Variants in ATP2A1 observed in about 807,000 individuals in gnomAD.
ATP2A1 encodes sarcoplasmic/endoplasmic reticulum calcium ATPase 1.
A neutral mutation model predicts 109.5 loss-of-function variants in ATP2A1; 83 were observed. The observed-to-expected ratio is 0.76, with a 90% CI of 0.63 to 0.91. The LOEUF is 0.91. Among genes scored for constraint, ATP2A1 ranks in the 40% least tolerant of loss-of-function variants. ATP2A1 has a pLI of 0.00. For missense variants in ATP2A1, 1,101 were observed against 1,341.0 expected, an observed-to-expected ratio of 0.82 and a Z score of 2.80; for synonymous variants, 505 against 537.6, an observed-to-expected ratio of 0.94 and a Z score of 0.84.
intron 9 of ATP2A1, 144 bp downstream of exon 9, chr16:28,889,097 C>A: frequency 8.2e-7 from 1 of 1,225,134 alleles, no homozygotes; most frequent in South Asian, 1.2e-5. Context: ...AGAACGCCAT[C>A]CTGTCTGCCA....
At position 28,902,663 on chromosome 16, in the gene ATP2A1, C is replaced by G. The variant is rs1393191812; in HGVS notation, c.2608C>G (p.Leu870Val). Residue 870 changes from leucine to valine, a missense_variant and splice_region_variant, in exon 18 of 23, where the codon CTG becomes GTG. Physicochemically the swap from Leu to Val is conservative, Grantham distance 32. Coordinates refer to ENST00000395503, the MANE Select transcript of ATP2A1 (RefSeq NM_004320.6). This position sits in a 1 kb window ranked among gnomAD's most constrained non-coding sequence, Gnocchi z 4.8. Reference protein sequence around the residue: ...EDGPHVNYSQLTHFMQCTEDN... With the variant: ...EDGPHVNYSQVTHFMQCTEDN... ...TGGGCCTCATGTCAACTACAGCCAGCTGGTAGGGGGAGGCCACAAAGGAGG... is the reference window on the plus strand; with the variant it reads ...TGGGCCTCATGTCAACTACAGCCAGGTGGTAGGGGGAGGCCACAAAGGAGG... 1 of 1,614,064 alleles carries G rather than the reference C, an allele frequency of 6.2e-7. No individual in the cohort carries two copies. The highest frequency in any genetic ancestry group is 8.5e-7 in the Non-Finnish European group (1 of 1,179,976).
chr16:28,895,003 T>G (rs754862763), intron 12 of ATP2A1, 50 bp downstream of exon 12: 6 of 1,603,680 alleles, frequency 3.7e-6, no homozygotes, highest in Non-Finnish European at 5.1e-6. Context: ...CTATGCTGCA[T>G]AGACTAGAGG....
chr16:28,900,745 G>T lies in ATP2A1; in HGVS notation c.1929G>T (p.Gly643=). The change falls in exon 15 of 23, where the codon GGG becomes GGT. Residue 643 remains glycine, a synonymous_variant. Coordinates refer to ENST00000395503, the MANE Select transcript of ATP2A1 (RefSeq NM_004320.6). The part of the protein sequence containing the change: ...IAICRRIGIF[G]ENEEVADRAY... The stretch of plus-strand genomic sequence containing the variant: ...TCTGCCGGCGAATTGGCATCTTTGG[G>T]GAGAACGAGGAGGTGGCCGATCGCG... 1 of 1,614,206 alleles carries T rather than the reference G, an allele frequency of 6.2e-7. No individual in the cohort carries two copies.
chr16:28,888,075 A>G lies in ATP2A1; in HGVS notation c.928+353A>G, dbSNP rs1342918442. Among the ~76,000 whole-genome samples the G allele has an allele frequency of 4.6e-5, 7 of 152,042 alleles. 1 individual carries two copies. Among genetic ancestry groups the G allele is most frequent in the Admixed American group, 4.6e-4 (7 of 15,288 alleles). ...CTTGGCCTCCCAAAGTGCTGGGATT[A>G]CAGGCGTGAGCCACCGCACCCGGCC... On this transcript the variant is annotated intron_variant, in intron 8 of 22. Transcript: ENST00000395503.
chr16:28,900,703 G>C lies in ATP2A1; in HGVS notation c.1887G>C (p.Lys629Asn). Residue 629 changes from lysine (K) to asparagine (N), a missense_variant, in exon 15 of 23, where the codon AAG becomes AAC. Lys to Asn is a moderately conservative substitution (Grantham distance 94). Coordinates refer to ENST00000395503, the MANE Select transcript of ATP2A1 (RefSeq NM_004320.6). Reference sequence around the variant, plus strand: ...TGATCATGATCACTGGGGACAACAAGGGCACAGCCATTGCCATCTGCCGGC... The same window carrying C: ...TGATCATGATCACTGGGGACAACAACGGCACAGCCATTGCCATCTGCCGGC... ...IRVIMITGDN[K>N]GTAIAICRRI... 1 of 1,614,130 alleles carries C rather than the reference G, an allele frequency of 6.2e-7. No homozygotes were observed. The highest frequency in any genetic ancestry group is 1.1e-5 in the South Asian group (1 of 91,076).
rs34704577 is a variant in ATP2A1 at position 28,898,752 on chromosome 16, A to AT, written c.1764+308dup. ...GAACCCCATCTCTATTAAAAAAAAA[A>AT]TTTTTTTAATTACCTGGTTAAATTC... is the stretch of plus-strand genomic sequence containing the variant. On this transcript the variant is annotated intron_variant, in intron 14 of 22. Transcript: ENST00000395503. The surrounding 1 kb of genome is among the most constrained non-coding windows in gnomAD (Gnocchi z 4.0). Among the ~76,000 whole-genome samples the AT allele has an allele frequency of 0.33, 49,978 of 151,360 alleles. 8,622 individuals are homozygous for AT. The highest frequency in any genetic ancestry group is 0.42 in the Middle Eastern group (123 of 292).
rs1378409185 is a variant in ATP2A1, at chr16:28,898,807, T to G, written c.1764+356T>G. Among the ~76,000 whole-genome samples the G allele has an allele frequency of 2.0e-5, 3 of 152,030 alleles. No individual in the cohort carries two copies. The highest frequency in any genetic ancestry group is 2.9e-5 in the Non-Finnish European group (2 of 68,022). On this transcript the variant is annotated intron_variant, in intron 14 of 22. Transcript: ENST00000395503. This position sits in a 1 kb window ranked among gnomAD's most constrained non-coding sequence, Gnocchi z 4.0. ...GGGTCTGGGTAAAAAGTAAAATACATTTTTAAAAATGTTAAAAGAAAAGAG... is the reference window on the plus strand; with the variant it reads ...GGGTCTGGGTAAAAAGTAAAATACAGTTTTAAAAATGTTAAAAGAAAAGAG...
chr16:28,887,314 C>T, intron 7 of ATP2A1, 40 bp downstream of exon 7: 1 of 1,613,046 alleles, frequency 6.2e-7, no homozygotes. Context: ...CTCAGTCAAG[C>T]CAGGTGCCCG....
At chr16:28,885,894 G>T (rs1963602020) in intron 6 of ATP2A1, among the ~76,000 whole-genome samples, 1 of 152,058 alleles carries the variant, frequency 6.6e-6, no homozygotes, top group Admixed American at 6.5e-5. Flanking sequence ...GGCTGGGCGT[G>T]GTGGCTCATA....
At chr16:28,894,406 C>T in intron 10 of ATP2A1, 99 bp from the exon 11 acceptor site, 2 of 1,344,674 alleles carry the variant, frequency 1.5e-6, no homozygotes, top group South Asian at 2.5e-5. Flanking sequence ...ACTGTCCTTC[C>T]TTACCCTCTG....
At chr16:28,900,500 A>AACCCC in intron 14 of ATP2A1, 81 bp from the exon 15 acceptor site, 1 of 617,690 alleles carries the variant, frequency 1.6e-6, no homozygotes, top group Non-Finnish European at 2.3e-6. Flanking sequence ...CTTTCACCCC[A>AACCCC]TCCCCACCCC....
At chr16:28,882,618 T>C in intron 5 of ATP2A1, 29 bp downstream of exon 5, 2 of 1,612,812 alleles carry the variant, frequency 1.2e-6, no homozygotes, top group Middle Eastern at 1.6e-4. Flanking sequence ...TGGTCCAGGA[T>C]GGGAGGCCTT....
chr16:28,901,795 A>T, intron 15 of ATP2A1, 68 bp from the exon 16 acceptor site: 4 of 1,412,704 alleles, frequency 2.8e-6, no homozygotes, highest in Non-Finnish European at 3.9e-6. Flanking sequence ...CATCCCTAAA[A>T]TAAAACCTTT....
rs776907496 is a variant in ATP2A1, at chr16:28,894,539, T to C, written c.1219T>C (p.Tyr407His). Residue 407 changes from tyrosine to histidine, a missense_variant, in exon 11 of 23, where the codon TAT (tyrosine) becomes CAT (histidine). Physicochemically the swap from Tyr to His is moderately conservative, Grantham distance 83. Coordinates refer to ENST00000395503, the MANE Select transcript of ATP2A1 (RefSeq NM_004320.6). ...KNDKPVRPGQYDGLVELATIC... is the reference protein window; with the variant it reads ...KNDKPVRPGQHDGLVELATIC... ...TGATAAGCCAGTCCGGCCAGGGCAG[T>C]ATGACGGGCTGGTGGAGCTGGCCAC... 10 of 1,614,044 alleles carry C rather than the reference T, an allele frequency of 6.2e-6. No homozygotes were observed. Among genetic ancestry groups the C allele is most frequent in the Non-Finnish European group, 8.5e-6 (10 of 1,180,020 alleles).
At position 28,880,924 on chromosome 16, in the gene ATP2A1, T is replaced by C. The variant is rs1395900837; in HGVS notation, c.229T>C (p.Trp77Arg). 6.2e-7 allele frequency: 1 copy of C among 1,614,216 alleles called. No homozygotes were observed. Among genetic ancestry groups the C allele is most frequent in the Non-Finnish European group, 8.5e-7 (1 of 1,180,012 alleles). ...TTCCCCTGCTCCCCAGGTGCTGGCC[T>C]GGTTTGAGGAAGGTGAAGAGACCAT... ...LAACISFVLA[W>R]FEEGEETITA... Residue 77 changes from tryptophan (W) to arginine (R), a missense_variant, in exon 4 of 23, where the codon TGG becomes CGG. Transcript: ENST00000395503. The surrounding 1 kb of genome is among the most constrained non-coding windows in gnomAD (Gnocchi z 4.2).
intron 14 of ATP2A1, among the ~76,000 whole-genome samples, chr16:28,899,982 C>CAAAAAAAAAAAA (rs145297469): frequency 7.6e-6 from 1 of 132,036 alleles, no homozygotes; most frequent in Non-Finnish European, 1.6e-5. Context: ...AAAACAAAAA[C>CAAAAAAAAAAAA]AAAAACAAAA....
At chr16:28,886,013 T>A (rs989089236) in intron 6 of ATP2A1, among the ~76,000 whole-genome samples, 94 of 151,206 alleles carry the variant, frequency 6.2e-4, no homozygotes, top group Middle Eastern at 3.4e-3. Context: ...AAAAAAAAAA[T>A]TTTTTTAACT....
rs1172831250 is a variant in ATP2A1 at position 28,882,602 on chromosome 16, G to A, written c.463+13G>A. ...GTGGAGGTGGCTGGTGAGTGACAGG[G>A]ACGGCTGGTCCAGGATGGGAGGCCT... On this transcript the variant is annotated intron_variant, in intron 5 of 22. Coordinates refer to ENST00000395503, the MANE Select transcript of ATP2A1 (RefSeq NM_004320.6). 2 of 1,613,798 alleles carry A rather than the reference G, an allele frequency of 1.2e-6. No homozygotes were observed. The highest frequency in any genetic ancestry group is 2.7e-5 in the African/African-American group (2 of 74,936).
Position 28,902,165 on chromosome 16 carries a change from G to A in ATP2A1, c.2322-19G>A, listed in dbSNP as rs2152214495. 5 of 1,613,914 alleles carry A rather than the reference G, an allele frequency of 3.1e-6. No individual in the cohort carries two copies. Among genetic ancestry groups the A allele is most frequent in the Non-Finnish European group, 3.4e-6 (4 of 1,179,758 alleles). On this transcript the variant is annotated intron_variant, in intron 16 of 22. Transcript: ENST00000395503. The surrounding 1 kb of genome is among the most constrained non-coding windows in gnomAD (Gnocchi z 4.8). ...GGTCTGGGAGGCAGGACAGAGGTGT[G>A]ACCACCTCCTTCCCACAGTATCTTC...
Sources: gnomAD v4.1 joint callset for allele counts (sites outside exome capture counted in the v4.1 genomes callset) on GRCh38, gnomAD v4.1.1 for gene constraint, Gnocchi (gnomAD v3.1) non-coding constraint, MANE v1.5 for transcripts, NCBI Gene and HGNC (gene_info 2026-07-23, HGNC 2026-07-21) for gene names.